The following DENND4B variants were observed in gnomAD, a reference collection of about 807,000 sequenced individuals.
The protein encoded by DENND4B is DENN domain-containing protein 4B.
DENND4B carries 67 observed loss-of-function variants against 161.0 expected under a neutral mutation model. The observed-to-expected ratio is 0.42, with a 90% CI of 0.34 to 0.51. DENND4B has a LOEUF of 0.51. DENND4B is among the 20% of genes least tolerant of loss of function. DENND4B has a pLI of 0.08. For missense variants in DENND4B, 1,481 were observed against 1,968.0 expected, an observed-to-expected ratio of 0.75 and a Z score of 4.68; for synonymous variants, 753 against 813.8, an observed-to-expected ratio of 0.93 and a Z score of 1.27.
chr1:153,943,678 T>TTA (rs1679800561), intron 2 of DENND4B, among the ~76,000 whole-genome samples: 1 of 92,408 alleles, frequency 1.1e-5, no homozygotes, highest in Admixed American at 1.3e-4. Flanking sequence ...ACTCTGTCTA[T>TTA]AAAAAAAAAA....
chr1:153,936,169 A>G lies in DENND4B; in HGVS notation c.2459T>C (p.Met820Thr), dbSNP rs1679319831. The change falls in exon 17 of 28, where the codon ATG becomes ACG. Residue 820 changes from methionine (M) to threonine (T), a missense_variant. Coordinates refer to ENST00000361217, the MANE Select transcript of DENND4B (RefSeq NM_014856.3). The surrounding 1 kb of genome is among the most constrained non-coding windows in gnomAD (Gnocchi z 4.1). ...LPDEVCYRVLMQLCSHYGQPV... is the reference protein window; with the variant it reads ...LPDEVCYRVLTQLCSHYGQPV... ...CTGCCCATAGTGTGAGCAGAGCTGCATCAGTACCCGGTAACACACCTGGGC... is the reference window on the plus strand; with the variant it reads ...CTGCCCATAGTGTGAGCAGAGCTGCGTCAGTACCCGGTAACACACCTGGGC... 1 of 1,607,684 alleles carries G rather than the reference A, an allele frequency of 6.2e-7. No homozygotes were observed. Among genetic ancestry groups the G allele is most frequent in the Non-Finnish European group, 8.5e-7 (1 of 1,177,142 alleles).
chr1:153,945,909 C>T (rs1310447616), intron 1 of DENND4B, among the ~76,000 whole-genome samples: 1 of 152,260 alleles, frequency 6.6e-6, no homozygotes, highest in Non-Finnish European at 1.5e-5. Context: ...GGTCCCCACG[C>T]CCGCGTGCCG....
rs1184984315 is a variant in DENND4B, at chr1:153,932,183, G to A, written c.3996+21C>T. ...GATGAGGGAGGCACTTAGGAAACAG[G>A]GGCCACATGGGGGCACTGACCTGGG... On this transcript the variant is annotated intron_variant, in intron 24 of 27. Transcript: ENST00000361217. This position sits in a 1 kb window ranked among gnomAD's most constrained non-coding sequence, Gnocchi z 5.8. The A allele has an allele frequency of 6.2e-7, 1 of 1,602,316 alleles. No individual in the cohort carries two copies. Among genetic ancestry groups the A allele is most frequent in the Non-Finnish European group, 8.5e-7 (1 of 1,171,596 alleles).
In DENND4B at chr1:153,945,339, TGGTGGC is replaced by T. The variant is rs1189763089; in HGVS notation, c.-23-948_-23-943del. 2.1e-5 allele frequency: 8 copies of T among 379,062 alleles called. No homozygotes were observed. In the Admixed American group the frequency reaches 2.6e-4, roughly 12 times the overall value. The allele number at this position is 379,062 out of a possible 1,614,324, so 23.5% of individuals were successfully genotyped here. A position where few individuals can be genotyped will look rare whatever the true frequency, so the allele number is the denominator to read the frequency against. On this transcript the variant is annotated intron_variant, in intron 1 of 27. Coordinates refer to ENST00000361217, the MANE Select transcript of DENND4B (RefSeq NM_014856.3). Reference sequence around the variant, plus strand: ...GAGGAAGTCAGCCTATGGGTGTGTGTGGTGGCGGTGGCGGTGGTGGGGTTACCATTG... The same window carrying T: ...GAGGAAGTCAGCCTATGGGTGTGTGTGGTGGCGGTGGTGGGGTTACCATTG...
Position 153,937,365 on chromosome 1 carries a change from A to T in DENND4B, c.2232+123T>A. 1 of 1,379,836 alleles carries T rather than the reference A, an allele frequency of 7.2e-7. No individual in the cohort carries two copies. Among genetic ancestry groups the T allele is most frequent in the Non-Finnish European group, 9.5e-7 (1 of 1,052,788 alleles). The allele number at this position is 1,379,836 out of a possible 1,614,324, so 85.5% of individuals were successfully genotyped here. On this transcript the variant is annotated intron_variant, in intron 15 of 27. Coordinates refer to ENST00000361217, the MANE Select transcript of DENND4B (RefSeq NM_014856.3). This position sits in a 1 kb window ranked among gnomAD's most constrained non-coding sequence, Gnocchi z 4.7. ...GGTTGCTTATGTGCCAAGCACATTT[A>T]AACTCCTAACAACCTCATGGGTTAA...
In DENND4B at chr1:153,942,273, C is replaced by T. The variant is rs755664324; in HGVS notation, c.724G>A (p.Ala242Thr). The T allele has an allele frequency of 3.1e-6, 5 of 1,613,856 alleles. No homozygotes were observed. The highest frequency in any genetic ancestry group is 2.2e-5 in the East Asian group (1 of 44,862). ...TGGGCAGGCCAGCACTCGATAGTGG[C>T]CCCCATGGGCAGGCAGAAGACGGGC... The part of the protein sequence containing the change: ...SVPVFCLPMG[A>T]TIECWPAQTK... The change falls in exon 5 of 28, where the codon GCC becomes ACC. Residue 242 changes from alanine to threonine, a missense_variant. Transcript: ENST00000361217. The surrounding 1 kb of genome is among the most constrained non-coding windows in gnomAD (Gnocchi z 6.9).
rs1383946401 is a variant in DENND4B at position 153,934,591 on chromosome 1, G to A, written c.2773+169C>T. 2.9e-5 allele frequency: 36 copies of A among 1,232,824 alleles called. No homozygotes were observed. Among genetic ancestry groups the A allele is most frequent in the Non-Finnish European group, 3.5e-5 (32 of 906,140 alleles). 76.4% of individuals were successfully genotyped at this position (1,232,824 alleles called of 1,614,324 possible). On this transcript the variant is annotated intron_variant, in intron 18 of 27. Coordinates refer to ENST00000361217, the MANE Select transcript of DENND4B (RefSeq NM_014856.3). The surrounding 1 kb of genome is among the most constrained non-coding windows in gnomAD (Gnocchi z 5.3). ...CAAGTAGCTGGGACTACAGGTGCGCGCCACCACGCCCAGCTAATTTTTTTA... is the reference window on the plus strand; with the variant it reads ...CAAGTAGCTGGGACTACAGGTGCGCACCACCACGCCCAGCTAATTTTTTTA...
chr1:153,931,199 A>G, intron 24 of DENND4B, 135 bp from the exon 25 acceptor site: 2 of 710,526 alleles, frequency 2.8e-6, no homozygotes, highest in Admixed American at 2.9e-5. Flanking sequence ...AGGAATTCTT[A>G]TCCCCCACAA....
chr1:153,932,766 G>A lies in DENND4B; in HGVS notation c.3635C>T (p.Pro1212Leu). ...TLDSRPSVPSPKSAGASGSKD... is the reference protein window; with the variant it reads ...TLDSRPSVPSLKSAGASGSKD... ...GCTGCCACTGGCACCAGCAGATTTGGGGCTGGGGACACTGCAGGGGGATAG... is the reference window on the plus strand; with the variant it reads ...GCTGCCACTGGCACCAGCAGATTTGAGGCTGGGGACACTGCAGGGGGATAG... Residue 1212 changes from proline to leucine, a missense_variant, in exon 23 of 28, where the codon CCC becomes CTC. Physicochemically the swap from Pro to Leu is moderately conservative, Grantham distance 98. Transcript: ENST00000361217. The surrounding 1 kb of genome is among the most constrained non-coding windows in gnomAD (Gnocchi z 5.8). 1.9e-6 allele frequency: 3 copies of A among 1,614,020 alleles called. No individual in the cohort carries two copies. Among genetic ancestry groups the A allele is most frequent in the South Asian group, 1.1e-5 (1 of 91,082 alleles).
rs758891726 is a variant in DENND4B, at chr1:153,930,663, C to A, written c.4280+29G>T. 50 of 1,613,344 alleles carry A rather than the reference C, an allele frequency of 3.1e-5. No homozygotes were observed. In the Admixed American group the frequency reaches 8.3e-4, roughly 27 times the overall value. On this transcript the variant is annotated intron_variant, in intron 26 of 27. Transcript: ENST00000361217. This position sits in a 1 kb window ranked among gnomAD's most constrained non-coding sequence, Gnocchi z 4.7. ...AAGGGGTGTGGAGCCCCGGACAGAC[C>A]AGGGATCACCCAGATGGTAGCACCA... is the stretch of plus-strand genomic sequence containing the variant.
chr1:153,936,004 TC>T lies in DENND4B; in HGVS notation c.2568+55del, dbSNP rs1164390948. 1 of 1,600,172 alleles carries T rather than the reference TC, an allele frequency of 6.2e-7. No homozygotes were observed. On this transcript the variant is annotated intron_variant, in intron 17 of 27. Coordinates refer to ENST00000361217, the MANE Select transcript of DENND4B (RefSeq NM_014856.3). This position sits in a 1 kb window ranked among gnomAD's most constrained non-coding sequence, Gnocchi z 4.1. ...AGGAGCGAGGGGAGCAGCAGCAGCCTCCCCTCACACACCCTGGCACAGCTGC... is the reference window on the plus strand; with the variant it reads ...AGGAGCGAGGGGAGCAGCAGCAGCCTCCCTCACACACCCTGGCACAGCTGC...
At position 153,932,998 on chromosome 1, in the gene DENND4B, G is replaced by A; in HGVS notation, c.3486C>T (p.Ala1162=). The stretch of plus-strand genomic sequence containing the variant: ...CCTCATCATACACCAGCGAATCACA[G>A]GCACGGCACAGGGAGCAGCTGGACA... ...ILLSSCSLCR[A]CDSLVYDEEI... Residue 1162 remains alanine (A), a synonymous_variant, in exon 22 of 28, where the codon GCC becomes GCT. Coordinates refer to ENST00000361217, the MANE Select transcript of DENND4B (RefSeq NM_014856.3). This position sits in a 1 kb window ranked among gnomAD's most constrained non-coding sequence, Gnocchi z 5.8. The A allele has an allele frequency of 6.2e-7, 1 of 1,613,980 alleles. No homozygotes were observed. The highest frequency in any genetic ancestry group is 8.5e-7 in the Non-Finnish European group (1 of 1,179,886).
In DENND4B at chr1:153,932,199, C is replaced by T. The variant is rs1458740259; in HGVS notation, c.3996+5G>A. The T allele has an allele frequency of 6.2e-7, 1 of 1,612,234 alleles. No individual in the cohort carries two copies. Among genetic ancestry groups the T allele is most frequent in the Non-Finnish European group, 8.5e-7 (1 of 1,178,838 alleles). ...AGGAAACAGGGGCCACATGGGGGCACTGACCTGGGAGTGCGAAGGCCCATC... is the reference window on the plus strand; with the variant it reads ...AGGAAACAGGGGCCACATGGGGGCATTGACCTGGGAGTGCGAAGGCCCATC... On this transcript the variant is annotated splice_donor_5th_base_variant and intron_variant, in intron 24 of 27. Coordinates refer to ENST00000361217, the MANE Select transcript of DENND4B (RefSeq NM_014856.3). This position sits in a 1 kb window ranked among gnomAD's most constrained non-coding sequence, Gnocchi z 5.8.
chr1:153,942,451 A>G lies in DENND4B; in HGVS notation c.641-95T>C. 1 of 1,565,164 alleles carries G rather than the reference A, an allele frequency of 6.4e-7. No homozygotes were observed. The highest frequency in any genetic ancestry group is 1.2e-5 in the South Asian group (1 of 86,056). ...AAGGGATCCCAGAGAAGGCCCGAGT[A>G]GCAAAGAGAAAGTAAACTCTGGGGA... On this transcript the variant is annotated intron_variant, in intron 4 of 27. Coordinates refer to ENST00000361217, the MANE Select transcript of DENND4B (RefSeq NM_014856.3). This position sits in a 1 kb window ranked among gnomAD's most constrained non-coding sequence, Gnocchi z 6.9.
chr1:153,934,051 T>G lies in DENND4B; in HGVS notation c.2941+84A>C. 1 of 1,469,990 alleles carries G rather than the reference T, an allele frequency of 6.8e-7. No homozygotes were observed. The highest frequency in any genetic ancestry group is 1.4e-5 in the South Asian group (1 of 70,490). The allele number at this position is 1,469,990 out of a possible 1,614,324, so 91.1% of individuals were successfully genotyped here. A position where few individuals can be genotyped will look rare whatever the true frequency, so the allele number is the denominator to read the frequency against. On this transcript the variant is annotated intron_variant, in intron 19 of 27. Transcript: ENST00000361217. The surrounding 1 kb of genome is among the most constrained non-coding windows in gnomAD (Gnocchi z 5.3). ...CCCACCACAGAGGGCCGCCCTCCAC[T>G]CTGTTTCTGGTCTTCCCCACCTCAC...
At chr1:153,941,783 C>A in intron 6 of DENND4B, 86 bp downstream of exon 6, 2 of 918,750 alleles carry the variant, frequency 2.2e-6, no homozygotes, top group African/African-American at 1.7e-5. Context: ...CAGCCCTCCC[C>A]CCACCCACAT....
chr1:153,941,125 C>A, intron 8 of DENND4B, 77 bp from the exon 9 acceptor site: 1 of 1,566,746 alleles, frequency 6.4e-7, no homozygotes, highest in Non-Finnish European at 8.6e-7. Flanking sequence ...GGCACAGCCA[C>A]CACCTGGACC....
At position 153,944,736 on chromosome 1, in the gene DENND4B, G is replaced by C. The variant is rs1465811068; in HGVS notation, c.-23-339C>G. Among the ~76,000 whole-genome samples the C allele has an allele frequency of 2.6e-5, 4 of 152,148 alleles. No individual in the cohort carries two copies. Among genetic ancestry groups the C allele is most frequent in the Non-Finnish European group, 5.9e-5 (4 of 68,034 alleles). ...AGAGATCACAATCTTTTTTGTAATA[G>C]CCTTCCATGACATCATTCATGCTGG... On this transcript the variant is annotated intron_variant, in intron 1 of 27. Coordinates refer to ENST00000361217, the MANE Select transcript of DENND4B (RefSeq NM_014856.3). The surrounding 1 kb of genome is among the most constrained non-coding windows in gnomAD (Gnocchi z 4.8).
chr1:153,934,129 A>G lies in DENND4B; in HGVS notation c.2941+6T>C, dbSNP rs1334500055. 1 of 1,553,158 alleles carries G rather than the reference A, an allele frequency of 6.4e-7. No homozygotes were observed. The highest frequency in any genetic ancestry group is 8.6e-7 in the Non-Finnish European group (1 of 1,157,960). On this transcript the variant is annotated splice_donor_region_variant and intron_variant, in intron 19 of 27. Transcript: ENST00000361217. The surrounding 1 kb of genome is among the most constrained non-coding windows in gnomAD (Gnocchi z 5.3). ...GGGAGTGAGGGAGCCAGACAAGGGC[A>G]CTCACTGTGGGCCACACCGGCCTCC...
Sources: allele counts gnomAD v4.1 joint callset (sites outside exome capture counted in the v4.1 genomes callset), GRCh38; gene constraint gnomAD v4.1.1; non-coding constraint Gnocchi (gnomAD v3.1); transcripts MANE v1.5; gene names NCBI Gene and HGNC (gene_info 2026-07-23, HGNC 2026-07-21).